The following PIP5K1A variants were observed in gnomAD, a reference collection of about 807,000 sequenced individuals.
PIP5K1A encodes phosphatidylinositol 4-phosphate 5-kinase type-1 alpha.
A neutral mutation model predicts 72.9 loss-of-function variants in PIP5K1A; 46 were observed. The observed-to-expected ratio is 0.63, with a 90% CI of 0.50 to 0.81. PIP5K1A has a LOEUF of 0.81. Ranked by LOEUF, PIP5K1A falls within the 30% of genes least tolerant of loss-of-function variation. PIP5K1A has a pLI of 0.00. For missense variants in PIP5K1A, 458 were observed against 706.1 expected (o/e 0.65, Z 3.98); for synonymous variants, 228 against 255.1 (o/e 0.89, Z 1.01).
chr1:151,212,762 A>G (rs1687007411), intron 1 of PIP5K1A, among the ~76,000 whole-genome samples: 1 of 147,528 alleles, frequency 6.8e-6, no homozygotes, highest in African/African-American at 2.5e-5. Flanking sequence ...TTTAGTAGAG[A>G]CGGGGTTTTA....
chr1:151,231,105 G>A (rs1300208148), intron 4 of PIP5K1A, among the ~76,000 whole-genome samples: 3 of 151,688 alleles, frequency 2.0e-5, no homozygotes, highest in Non-Finnish European at 4.4e-5. Context: ...TACTCGGGAG[G>A]CTGAGGCATG....
intron 11 of PIP5K1A, 136 bp from the exon 12 acceptor site, chr1:151,239,819 C>T (rs181294830): frequency 2.1e-5 from 14 of 680,010 alleles, no homozygotes; most frequent in Admixed American, 7.1e-5. Flanking sequence ...TGAGCCACTA[C>T]GTCTGGCCCC....
chr1:151,247,756 CCTCATA>C, intron 15 of PIP5K1A, 101 bp from the exon 16 acceptor site: 1 of 898,156 alleles, frequency 1.1e-6, no homozygotes, highest in South Asian at 1.6e-5. Flanking sequence ...ATTTTTGGTA[CCTCATA>C]CTTGGAGGCT....
At chr1:151,227,204 T>C (rs1163468321) in intron 3 of PIP5K1A, 116 bp from the exon 4 acceptor site, 2 of 642,612 alleles carry the variant, frequency 3.1e-6, no homozygotes, top group African/African-American at 3.7e-5. Flanking sequence ...TTTTGTAAAA[T>C]GTTTTTAATC....
At chr1:151,220,004 CTATT>C (rs1004981576) in intron 1 of PIP5K1A, among the ~76,000 whole-genome samples, 1 of 151,410 alleles carries the variant, frequency 6.6e-6, no homozygotes, top group Non-Finnish European at 1.5e-5. Context: ...GTCTCTGTTT[CTATT>C]TATTTATTTA....
At chr1:151,226,014 A>G (rs1336831259) in intron 3 of PIP5K1A, among the ~76,000 whole-genome samples, 5 of 151,538 alleles carry the variant, frequency 3.3e-5, no homozygotes, top group Admixed American at 6.6e-5. Flanking sequence ...CCTAGGCTCA[A>G]GTGATCTTCC....
chr1:151,213,479 GGA>G (rs1687144275), intron 1 of PIP5K1A: 1 of 152,128 alleles, frequency 6.6e-6, no homozygotes, highest in Admixed American at 6.6e-5. Context: ...CTGTTTTATA[GGA>G]GAGTGTTGAT....
At chr1:151,225,838 A>G (rs186927392) in intron 3 of PIP5K1A, among the ~76,000 whole-genome samples, 1 of 139,626 alleles carries the variant, frequency 7.2e-6, no homozygotes, top group African/African-American at 2.7e-5. Flanking sequence ...GTGCAGTGGC[A>G]TGATCTTGGC....
At chr1:151,203,639 C>T (rs1003135466) in intron 1 of PIP5K1A, among the ~76,000 whole-genome samples, 7 of 151,774 alleles carry the variant, frequency 4.6e-5, no homozygotes, top group African/African-American at 1.5e-4. Flanking sequence ...TCCTAACCAA[C>T]GTGGTGAAAC....
chr1:151,207,974 C>G (rs894512593), intron 1 of PIP5K1A, among the ~76,000 whole-genome samples: 9 of 145,850 alleles, frequency 6.2e-5, no homozygotes, highest in African/African-American at 2.3e-4. Flanking sequence ...AAGTGATTCC[C>G]CTGCTTCCCT....
At chr1:151,246,892 T>C in intron 14 of PIP5K1A, 28 bp from the exon 15 acceptor site, 1 of 1,586,162 alleles carries the variant, frequency 6.3e-7, no homozygotes, top group Non-Finnish European at 8.7e-7. Context: ...TCTTTTTCTC[T>C]CTGCTTCCAT....
At chr1:151,208,319 C>G (rs1029102747) in intron 1 of PIP5K1A, among the ~76,000 whole-genome samples, 1 of 151,076 alleles carries the variant, frequency 6.6e-6, no homozygotes, top group Non-Finnish European at 1.5e-5. Context: ...AGCTAAGAAA[C>G]AAAATTTAGC....
At chr1:151,216,037 G>GC (rs2102241599) in intron 1 of PIP5K1A, 1 of 1,112,492 alleles carries the variant, frequency 9.0e-7, no homozygotes, top group African/African-American at 1.6e-5. Context: ...AGAAGCATGA[G>GC]CTCCTTACAG....
rs12409537 is a variant in PIP5K1A at position 151,219,024 on chromosome 1, T to C, written c.86-5221T>C. On this transcript the variant is annotated intron_variant, in intron 1 of 15. Transcript: ENST00000368888. Reference sequence around the variant, plus strand: ...CTAAAAATTAGACTAAAAATCTCTTTCTGAATGATTTTGTTCTAATATAAG... The same window carrying C: ...CTAAAAATTAGACTAAAAATCTCTTCCTGAATGATTTTGTTCTAATATAAG... Among the ~76,000 whole-genome samples the C allele has an allele frequency of 5.3e-3, 809 of 152,254 alleles. 18 individuals carry two copies. The highest frequency in any genetic ancestry group is 0.044 in the Admixed American group (678 of 15,274).
intron 14 of PIP5K1A, 78 bp from the exon 15 acceptor site, chr1:151,246,842 T>C: frequency 9.9e-7 from 1 of 1,014,144 alleles, no homozygotes; most frequent in South Asian, 1.4e-5. Context: ...AGAAGCAGTA[T>C]GAGATTTAAA....
upstream of PIP5K1A, among the ~76,000 whole-genome samples, chr1:151,197,372 A>G (rs1684654579): frequency 6.6e-6 from 1 of 151,124 alleles, no homozygotes; most frequent in Admixed American, 6.6e-5. Context: ...TCCGCCTCCC[A>G]GGTTCATGCC....
At chr1:151,218,966 T>C (rs1177084899) in intron 1 of PIP5K1A, among the ~76,000 whole-genome samples, 1 of 152,170 alleles carries the variant, frequency 6.6e-6, no homozygotes, top group Non-Finnish European at 1.5e-5. Flanking sequence ...CCTTAACCTC[T>C]TCTTCTGTGT....
At chr1:151,231,121 C>A (rs751559551) in intron 4 of PIP5K1A, among the ~76,000 whole-genome samples, 1 of 148,994 alleles carries the variant, frequency 6.7e-6, no homozygotes, top group Non-Finnish European at 1.5e-5. Flanking sequence ...GCATGAGAAT[C>A]GCTTGAACCG....
At chr1:151,205,190 G>T (rs1042791309) in intron 1 of PIP5K1A, among the ~76,000 whole-genome samples, 2 of 152,108 alleles carry the variant, frequency 1.3e-5, no homozygotes, top group African/African-American at 4.8e-5. Context: ...TTTTGAGACA[G>T]AGTCTTGCTC....
Sources: allele counts gnomAD v4.1 joint callset (sites outside exome capture counted in the v4.1 genomes callset), GRCh38; gene constraint gnomAD v4.1.1; transcripts MANE v1.5; gene names NCBI Gene and HGNC (gene_info 2026-07-23, HGNC 2026-07-21).